The following ICA1 variants were observed in gnomAD, a reference collection of about 807,000 sequenced individuals.
The protein encoded by ICA1 is 69 kDa islet cell autoantigen.
Under a neutral mutation model 71.0 loss-of-function variants are expected in ICA1, and 40 were observed. That is an observed-to-expected ratio of 0.56 (90% CI 0.44 to 0.73). ICA1 has a LOEUF of 0.73. Ranked by LOEUF, ICA1 falls within the 30% of genes least tolerant of loss-of-function variation. The probability of loss-of-function intolerance (pLI) is 0.00; values close to 1 mark genes in which losing one functional copy is unlikely to be tolerated. For synonymous variants in ICA1, 207 were observed against 209.5 expected, an observed-to-expected ratio of 0.99 and a Z score of 0.10; for missense variants, 578 against 576.5, an observed-to-expected ratio of 1.00 and a Z score of -0.03.
intron 4 of ICA1, 46 bp downstream of exon 4, chr7:8,228,555 C>A: frequency 8.6e-7 from 1 of 1,162,078 alleles, no homozygotes; most frequent in Non-Finnish European, 1.2e-6. Context: ...AAATACCCTG[C>A]TATTTCTTAC....
chr7:8,214,087 C>T (rs1794667118), intron 6 of ICA1, among the ~76,000 whole-genome samples: 1 of 152,202 alleles, frequency 6.6e-6, no homozygotes, highest in African/African-American at 2.4e-5. Context: ...ACTCAGACTC[C>T]TATAAATGCC....
rs1784735311 is a variant in ICA1 at position 8,189,070 on chromosome 7, C to T, written c.579+29235G>A. 3.9e-5 allele frequency among the ~76,000 whole-genome samples: 6 copies of T among 152,172 alleles called. No homozygotes were observed. The South Asian group carries it at 1.2e-3, about 32-fold the overall frequency. On this transcript the variant is annotated intron_variant, in intron 6 of 13. Coordinates refer to ENST00000402384, the MANE Select transcript of ICA1 (RefSeq NM_001136020.3). ...GCAAAGACTTCATCTGATTCAGACC[C>T]TCCTGAGCTTTTACAGAACCCAGTG...
At chr7:8,119,126 C>A (rs149452594) in intron 13 of ICA1, among the ~76,000 whole-genome samples, 2 of 152,180 alleles carry the variant, frequency 1.3e-5, no homozygotes, top group African/African-American at 4.8e-5. Flanking sequence ...GGGCCCACTT[C>A]AGGACCCCAC....
chr7:8,143,937 T>C lies in ICA1; in HGVS notation c.840A>G (p.Lys280=). 6.2e-7 allele frequency: 1 copy of C among 1,611,958 alleles called. No homozygotes were observed. ...LQDPMKKLVE[K]EEKKKINQQE... ...GCTGGTTGATTTTCTTCTTCTCTTC[T>C]TTCTCAACTAATTTTTTCATAGGGT... is the stretch of plus-strand genomic sequence containing the variant. The change falls in exon 9 of 14, where the codon AAA becomes AAG. Residue 280 remains lysine, a synonymous_variant. Coordinates refer to ENST00000402384, the MANE Select transcript of ICA1 (RefSeq NM_001136020.3).
Position 8,139,062 on chromosome 7 carries a change from G to A in ICA1, c.956-15C>T. On this transcript the variant is annotated splice_polypyrimidine_tract_variant and intron_variant, in intron 10 of 13. Coordinates refer to ENST00000402384, the MANE Select transcript of ICA1 (RefSeq NM_001136020.3). ...TCCATCTTCAGCTGTAATATAACAT[G>A]TGCAACTGGTTACCAACAACTCGAA... 1.2e-6 allele frequency: 2 copies of A among 1,603,716 alleles called. No homozygotes were observed. The highest frequency in any genetic ancestry group is 1.7e-6 in the Non-Finnish European group (2 of 1,170,780).
At chr7:8,233,784 T>A (rs909214676) in intron 2 of ICA1, among the ~76,000 whole-genome samples, 2 of 152,176 alleles carry the variant, frequency 1.3e-5, no homozygotes, top group Non-Finnish European at 2.9e-5. Flanking sequence ...CACAATAAAA[T>A]AACAATAAAA....
intron 3 of ICA1, among the ~76,000 whole-genome samples, chr7:8,229,097 AGAT>A (rs1389465289): frequency 6.6e-6 from 1 of 152,188 alleles, no homozygotes; most frequent in African/African-American, 2.4e-5. Context: ...CATATTTAAA[AGAT>A]GACGTTAACT....
chr7:8,181,935 T>G (rs1220833529), intron 6 of ICA1, among the ~76,000 whole-genome samples: 1 of 152,210 alleles, frequency 6.6e-6, no homozygotes, highest in Non-Finnish European at 1.5e-5. Context: ...ACGTTATTAC[T>G]GGAGCAATGT....
intron 6 of ICA1, among the ~76,000 whole-genome samples, chr7:8,165,715 A>G (rs1323230551): frequency 6.6e-6 from 1 of 152,144 alleles, no homozygotes; most frequent in Non-Finnish European, 1.5e-5. Context: ...ATCAGCATTT[A>G]TATACACCAA....
intron 6 of ICA1, among the ~76,000 whole-genome samples, chr7:8,160,173 T>C (rs369701001): frequency 1.3e-4 from 20 of 152,342 alleles, no homozygotes; most frequent in African/African-American, 4.6e-4. Flanking sequence ...ACCTTTAATG[T>C]AGTTTAAGAA....
At chr7:8,178,504 A>G (rs1223363036) in intron 6 of ICA1, among the ~76,000 whole-genome samples, 1 of 151,762 alleles carries the variant, frequency 6.6e-6, no homozygotes, top group East Asian at 1.9e-4. Flanking sequence ...AATATACATC[A>G]TCTTGTGCTT....
Position 8,186,692 on chromosome 7 carries a change from G to C in ICA1, c.580-28040C>G, listed in dbSNP as rs893633722. ...TCAAGCTGAGGTCAACAAAAACAAG[G>C]AGGGCAGGAAAAGGGGCAGATCAGG... On this transcript the variant is annotated intron_variant, in intron 6 of 13. Coordinates refer to ENST00000402384, the MANE Select transcript of ICA1 (RefSeq NM_001136020.3). Among the ~76,000 whole-genome samples the C allele has an allele frequency of 4.6e-5, 7 of 152,286 alleles. No individual in the cohort carries two copies. The South Asian group carries it at 1.5e-3, about 32-fold the overall frequency.
chr7:8,259,406 G>C (rs1583984463), intron 1 of ICA1, among the ~76,000 whole-genome samples: 1 of 152,118 alleles, frequency 6.6e-6, no homozygotes, highest in African/African-American at 2.4e-5. Context: ...TTCAGAGAGT[G>C]TTTTCCATAA....
At chr7:8,124,973 G>A (rs1358482031) in intron 13 of ICA1, among the ~76,000 whole-genome samples, 1 of 151,984 alleles carries the variant, frequency 6.6e-6, no homozygotes, top group African/African-American at 2.4e-5. Context: ...ATTTTTAGTA[G>A]AGACAGAGTT....
chr7:8,161,206 C>G (rs781370555), intron 6 of ICA1, among the ~76,000 whole-genome samples: 2 of 152,130 alleles, frequency 1.3e-5, no homozygotes, highest in Non-Finnish European at 2.9e-5. Flanking sequence ...AACAGGGAGT[C>G]AATAAATATT....
At chr7:8,125,834 G>A (rs1788955619) in intron 13 of ICA1, among the ~76,000 whole-genome samples, 1 of 152,192 alleles carries the variant, frequency 6.6e-6, no homozygotes, top group Non-Finnish European at 1.5e-5. Flanking sequence ...GCCTCCCTTT[G>A]CAGTTCCTGT....
intron 6 of ICA1, among the ~76,000 whole-genome samples, chr7:8,194,121 G>A (rs1481102853): frequency 6.6e-6 from 1 of 152,124 alleles, no homozygotes; most frequent in Non-Finnish European, 1.5e-5. Flanking sequence ...TTTCATGCCT[G>A]GAACAGAACT....
At position 8,136,383 on chromosome 7, in the gene ICA1, T is replaced by C. The variant is rs538683682; in HGVS notation, c.1060+2457A>G. On this transcript the variant is annotated intron_variant, in intron 12 of 13. Coordinates refer to ENST00000402384, the MANE Select transcript of ICA1 (RefSeq NM_001136020.3). ...TCTTGACTGTTTAATGTCGTGCATA[T>C]TGTAATCAGCATTTTAATTCAGGAT... Among the ~76,000 whole-genome samples the C allele has an allele frequency of 3.3e-5, 5 of 152,308 alleles. No individual in the cohort carries two copies. The East Asian group carries it at 5.8e-4, about 18-fold the overall frequency.
At chr7:8,243,365 AAT>A in intron 1 of ICA1, among the ~76,000 whole-genome samples, 1 of 152,196 alleles carries the variant, frequency 6.6e-6, no homozygotes, top group African/African-American at 2.4e-5. Context: ...AAAATTCAAC[AAT>A]GCTTCATGCT....
Sources: gnomAD v4.1 joint callset for allele counts (sites outside exome capture counted in the v4.1 genomes callset) on GRCh38, gnomAD v4.1.1 for gene constraint, MANE v1.5 for transcripts, NCBI Gene and HGNC (gene_info 2026-07-23, HGNC 2026-07-21) for gene names.